The following ULK3 variants were observed in gnomAD, a reference collection of about 807,000 sequenced individuals.
The protein encoded by ULK3 is unc-51 like kinase 3, also known as serine/threonine-protein kinase ULK3.
ULK3 carries 54 observed loss-of-function variants against 69.4 expected under a neutral mutation model. The observed-to-expected ratio is 0.78, with a 90% confidence interval of 0.63 to 0.98. The LOEUF (loss-of-function observed/expected upper bound fraction) is 0.98, where lower values mean the gene tolerates loss of function less well. Ranked by LOEUF, ULK3 falls within the 50% of genes least tolerant of loss-of-function variation. The probability of loss-of-function intolerance (pLI) is 0.00; values close to 1 mark genes in which losing one functional copy is unlikely to be tolerated. For synonymous variants in ULK3, 240 were observed against 254.5 expected (o/e 0.94, Z 0.54); for missense variants, 558 against 627.7 (o/e 0.89, Z 1.19).
intron 9 of ULK3, 39 bp downstream of exon 9, chr15:74,838,971 C>G: frequency 5.1e-6 from 8 of 1,579,574 alleles, no homozygotes; most frequent in African/African-American, 1.3e-5. Flanking sequence ...CGGGCCTTAC[C>G]CCCTGCCCCC....
At chr15:74,838,975 T>G in intron 9 of ULK3, 35 bp downstream of exon 9, 2 of 1,251,504 alleles carry the variant, frequency 1.6e-6, no homozygotes, top group Non-Finnish European at 2.3e-6. Flanking sequence ...CCTTACCCCC[T>G]GCCCCCCCAC....
rs2064021340 is a variant in ULK3, at chr15:74,836,442, G to C, written c.*786C>G. ...GGCCTAGAAGTGGGTGGCCTAGAGG[G>C]CACTGGGTCAGACTGTCTCCAAGCC... On this transcript the variant is annotated 3_prime_UTR_variant, in exon 16 of 16. Coordinates refer to ENST00000440863, the MANE Select transcript of ULK3 (RefSeq NM_001099436.4). This position sits in a 1 kb window ranked among gnomAD's most constrained non-coding sequence, Gnocchi z 4.0. The C allele has an allele frequency of 6.6e-6, 1 of 152,218 alleles. No individual in the cohort carries two copies. The highest frequency in any genetic ancestry group is 2.1e-4 in the South Asian group (1 of 4,830). 9.4% of individuals were successfully genotyped at this position (152,218 alleles called of 1,614,324 possible). A position where few individuals can be genotyped will look rare whatever the true frequency, so the allele number is the denominator to read the frequency against.
At position 74,838,518 on chromosome 15, in the gene ULK3, A is replaced by G; in HGVS notation, c.1103-14T>C. 6.4e-7 allele frequency: 1 copy of G among 1,570,282 alleles called. No homozygotes were observed. Among genetic ancestry groups the G allele is most frequent in the South Asian group, 1.2e-5 (1 of 85,584 alleles). Reference sequence around the variant, plus strand: ...CCCGGGCCATCTCTGAGATGAGGGGAAAGGCTCAGGGTGAGGGAAGCAACC... The same window carrying G: ...CCCGGGCCATCTCTGAGATGAGGGGGAAGGCTCAGGGTGAGGGAAGCAACC... On this transcript the variant is annotated splice_polypyrimidine_tract_variant and intron_variant, in intron 10 of 15. Transcript: ENST00000440863.
chr15:74,841,908 G>C (rs139450603), intron 3 of ULK3, among the ~76,000 whole-genome samples, 167 bp downstream of exon 3: 1 of 152,310 alleles, frequency 6.6e-6, no homozygotes, highest in Admixed American at 6.5e-5. Flanking sequence ...CTCCCACAGC[G>C]TCCTTGAGCA....
In ULK3 at chr15:74,842,709, G is replaced by A. The variant is rs745911566; in HGVS notation, c.103-289C>T. The A allele has an allele frequency of 6.6e-7, 1 of 1,526,312 alleles. No homozygotes were observed. The highest frequency in any genetic ancestry group is 1.2e-5 in the South Asian group (1 of 83,852). 94.5% of individuals were successfully genotyped at this position (1,526,312 alleles called of 1,614,324 possible). A position where few individuals can be genotyped will look rare whatever the true frequency, so the allele number is the denominator to read the frequency against. On this transcript the variant is annotated intron_variant, in intron 1 of 15. Transcript: ENST00000440863. This position sits in a 1 kb window ranked among gnomAD's most constrained non-coding sequence, Gnocchi z 4.9. ...TCCCGGCAGAGGCATGTCACTCAGG[G>A]TTCTAGAACCGCCCACTCTGCCTCC...
In ULK3 at chr15:74,838,259, C is replaced by A; in HGVS notation, c.1246+7G>T. ...GCCCTGTGGGGGGCATAAATGGGGGCCCTCACCTGCCAGCAACAGCAGTAG... is the reference window on the plus strand; with the variant it reads ...GCCCTGTGGGGGGCATAAATGGGGGACCTCACCTGCCAGCAACAGCAGTAG... On this transcript the variant is annotated splice_region_variant and intron_variant, in intron 12 of 15. Coordinates refer to ENST00000440863, the MANE Select transcript of ULK3 (RefSeq NM_001099436.4). 1 of 1,560,950 alleles carries A rather than the reference C, an allele frequency of 6.4e-7. No homozygotes were observed. The highest frequency in any genetic ancestry group is 8.7e-7 in the Non-Finnish European group (1 of 1,152,808).
Position 74,840,632 on chromosome 15 carries a change from A to C in ULK3, c.479T>G (p.Phe160Cys), listed in dbSNP as rs1277034245. 6.4e-7 allele frequency: 1 copy of C among 1,567,664 alleles called. No homozygotes were observed. The highest frequency in any genetic ancestry group is 8.6e-7 in the Non-Finnish European group (1 of 1,159,514). The change falls in exon 5 of 16, where the codon TTC (phenylalanine) becomes TGC (cysteine). Residue 160 changes from phenylalanine (F) to cysteine (C), a missense_variant. Transcript: ENST00000440863. Reference sequence around the variant, plus strand: ...ATCCCACGGGGACATGTGTTGTGCGAAACCAAAGTCTGCAGGCAAGAGGAG... The same window carrying C: ...ATCCCACGGGGACATGTGTTGTGCGCAACCAAAGTCTGCAGGCAAGAGGAG... The part of the protein sequence containing the change: ...KPHLKLADFG[F>C]AQHMSPWDEK...
At position 74,839,607 on chromosome 15, in the gene ULK3, G is replaced by C. The variant is rs1323064071; in HGVS notation, c.803C>G (p.Pro268Arg). The C allele has an allele frequency of 6.4e-7, 1 of 1,563,648 alleles. No individual in the cohort carries two copies. Among genetic ancestry groups the C allele is most frequent in the Admixed American group, 1.9e-5 (1 of 52,476 alleles). ...GGGCATGTGCTCCAGGTCCACCCAG[G>C]GGTGCGCAAAAAAGTCCTGGAAGGA... ...RISFQDFFAH[P>R]WVDLEHMPSG... is the part of the protein sequence containing the mutation. The change falls in exon 7 of 16, where the codon CCC (proline) becomes CGC (arginine). Residue 268 changes from proline (P) to arginine (R), a missense_variant. Physicochemically the swap from Pro to Arg is moderately radical, Grantham distance 103 (BLOSUM62 -2). Coordinates refer to ENST00000440863, the MANE Select transcript of ULK3 (RefSeq NM_001099436.4).
chr15:74,838,920 C>T (rs980761280), intron 9 of ULK3, 90 bp downstream of exon 9: 2 of 1,516,108 alleles, frequency 1.3e-6, no homozygotes, highest in Non-Finnish European at 1.8e-6. Context: ...GAGGAAGTTC[C>T]AATTCTAAGA....
In ULK3 at chr15:74,841,475, G is replaced by A. The variant is rs766235215; in HGVS notation, c.399C>T (p.Ile133=). ...SALQFLHERN[I]SHLDLKPQNI... is the part of the protein sequence containing the mutation. ...TCTGTGGCTTCAGATCCAGGTGAGA[G>A]ATATTCCGTTCATGCAGGAATTGCA... The change falls in exon 4 of 16, where the codon ATC becomes ATT. Residue 133 remains isoleucine, a synonymous_variant. Coordinates refer to ENST00000440863, the MANE Select transcript of ULK3 (RefSeq NM_001099436.4). The A allele has an allele frequency of 1.9e-6, 3 of 1,613,924 alleles. No individual in the cohort carries two copies. Among genetic ancestry groups the A allele is most frequent in the Non-Finnish European group, 2.5e-6 (3 of 1,179,864 alleles).
Position 74,838,201 on chromosome 15 carries a change from A to G in ULK3, c.1247-9T>C. On this transcript the variant is annotated splice_polypyrimidine_tract_variant and intron_variant, in intron 12 of 15. Transcript: ENST00000440863. ...CCGGCCCGGGGGCTCCGCTGTAAAG[A>G]GAGGGTGTGTGGTGAGGACAGGGTG... is the stretch of plus-strand genomic sequence containing the variant. The G allele has an allele frequency of 6.4e-7, 1 of 1,568,040 alleles. No individual in the cohort carries two copies. The highest frequency in any genetic ancestry group is 8.6e-7 in the Non-Finnish European group (1 of 1,156,934).
chr15:74,838,352 C>T lies in ULK3; in HGVS notation c.1168-8G>A. On this transcript the variant is annotated splice_polypyrimidine_tract_variant and splice_region_variant and intron_variant, in intron 11 of 15. Coordinates refer to ENST00000440863, the MANE Select transcript of ULK3 (RefSeq NM_001099436.4). ...CCCGCCGGCGGCCTCCTCCTGCAGC[C>T]ACAAGGACACCAGGCTGCTTAGGGT... 1 of 1,568,632 alleles carries T rather than the reference C, an allele frequency of 6.4e-7. No individual in the cohort carries two copies. Among genetic ancestry groups the T allele is most frequent in the African/African-American group, 1.4e-5 (1 of 73,770 alleles).
At position 74,842,365 on chromosome 15, in the gene ULK3, T is replaced by C; in HGVS notation, c.158A>G (p.Lys53Arg). The C allele has an allele frequency of 6.2e-7, 1 of 1,614,008 alleles. No homozygotes were observed. Among genetic ancestry groups the C allele is most frequent in the African/African-American group, 1.3e-5 (1 of 75,064 alleles). Residue 53 changes from lysine (K) to arginine (R), a missense_variant, in exon 2 of 16, where the codon AAG (lysine) becomes AGG (arginine). Physicochemically the swap from Lys to Arg is conservative, Grantham distance 26. Transcript: ENST00000440863. The surrounding 1 kb of genome is among the most constrained non-coding windows in gnomAD (Gnocchi z 4.9). ...IKCVAKKSLN[K>R]ASVENLLTEI... ...CGTGAGGAGGTTCTCCACCGATGCC[T>C]TGTTCAGACTTTTCTTGGCTACACA...
Position 74,837,747 on chromosome 15 carries a change from C to T in ULK3, c.1335+4G>A, listed in dbSNP as rs2064074612. The T allele has an allele frequency of 1.8e-5, 29 of 1,595,274 alleles. No homozygotes were observed. The highest frequency in any genetic ancestry group is 2.4e-5 in the Non-Finnish European group (28 of 1,170,434). ...TAGCCCCAGCGTGGCCCCCATGTGCCCACCTTGACCTGCTCCTTCAAGTAT... is the reference window on the plus strand; with the variant it reads ...TAGCCCCAGCGTGGCCCCCATGTGCTCACCTTGACCTGCTCCTTCAAGTAT... On this transcript the variant is annotated splice_donor_region_variant and intron_variant, in intron 14 of 15. Coordinates refer to ENST00000440863, the MANE Select transcript of ULK3 (RefSeq NM_001099436.4).
chr15:74,838,939 C>G (rs1035273537), intron 9 of ULK3, 71 bp downstream of exon 9: 27 of 1,541,808 alleles, frequency 1.8e-5, no homozygotes, highest in Admixed American at 5.9e-5. Context: ...GAGAGCCATT[C>G]CCCAGAGGCC....
rs144895523 is a variant in ULK3, at chr15:74,836,391, G to C, written c.*837C>G. The C allele has an allele frequency of 6.6e-6, 1 of 152,282 alleles. No individual in the cohort carries two copies. The highest frequency in any genetic ancestry group is 1.5e-5 in the Non-Finnish European group (1 of 68,100). 9.4% of individuals were successfully genotyped at this position (152,282 alleles called of 1,614,324 possible). A position where few individuals can be genotyped will look rare whatever the true frequency, so the allele number is the denominator to read the frequency against. On this transcript the variant is annotated 3_prime_UTR_variant, in exon 16 of 16. Coordinates refer to ENST00000440863, the MANE Select transcript of ULK3 (RefSeq NM_001099436.4). The surrounding 1 kb of genome is among the most constrained non-coding windows in gnomAD (Gnocchi z 4.0). ...CAGGCCCAGAAAGGGGAAAGAGCTT[G>C]CCCAGGGCTCCACGGCGGCAGGGCA...
Position 74,837,358 on chromosome 15 carries a change from G to A in ULK3, c.1402+11C>T, listed in dbSNP as rs1384697647. On this transcript the variant is annotated intron_variant, in intron 15 of 15. Transcript: ENST00000440863. Reference sequence around the variant, plus strand: ...CCTTGGATGGAGGATCGACCCCAGGGCAGGACTCACAGCTACGAACAGATT... The same window carrying A: ...CCTTGGATGGAGGATCGACCCCAGGACAGGACTCACAGCTACGAACAGATT... 6.2e-7 allele frequency: 1 copy of A among 1,613,100 alleles called. No homozygotes were observed. The highest frequency in any genetic ancestry group is 2.2e-5 in the East Asian group (1 of 44,862).
chr15:74,837,489 C>A (rs934770418), intron 14 of ULK3, 54 bp from the exon 15 acceptor site: 3 of 1,248,682 alleles, frequency 2.4e-6, no homozygotes, highest in Admixed American at 2.9e-5. Flanking sequence ...CGAGCCACAG[C>A]GCAGTGCCGA....
At position 74,842,824 on chromosome 15, in the gene ULK3, G is replaced by C; in HGVS notation, c.102+180C>G. On this transcript the variant is annotated intron_variant, in intron 1 of 15. Coordinates refer to ENST00000440863, the MANE Select transcript of ULK3 (RefSeq NM_001099436.4). The surrounding 1 kb of genome is among the most constrained non-coding windows in gnomAD (Gnocchi z 4.9). ...GCCACTGACCCTGCAGGTGGGTGCA[G>C]GTGCGCTCTTTAAGACCTAAGCGTG... The C allele has an allele frequency of 1.4e-6, 2 of 1,380,790 alleles. No homozygotes were observed. Among genetic ancestry groups the C allele is most frequent in the Non-Finnish European group, 1.9e-6 (2 of 1,033,072 alleles). The allele number at this position is 1,380,790 out of a possible 1,614,324, so 85.5% of individuals were successfully genotyped here.
Sources: gnomAD v4.1 joint callset for allele counts (sites outside exome capture counted in the v4.1 genomes callset) on GRCh38, gnomAD v4.1.1 for gene constraint, Gnocchi (gnomAD v3.1) non-coding constraint, MANE v1.5 for transcripts, NCBI Gene and HGNC (gene_info 2026-07-23, HGNC 2026-07-21) for gene names.